Variants in SAMTOR observed in about 807,000 individuals in gnomAD.
SAMTOR encodes the protein S-adenosylmethionine sensor upstream of mTORC1, also known as UPF0532 protein C7orf60.
the SAMTOR span, among the ~76,000 whole-genome samples, chr7:112,917,508 C>G: frequency 6.6e-6 from 1 of 152,150 alleles, no homozygotes; most frequent in African/African-American, 2.4e-5. Context: ...AAAAACAGAG[C>G]AGAAAAACTG....
At chr7:112,913,798 A>T in the SAMTOR span, among the ~76,000 whole-genome samples, 1 of 151,986 alleles carries the variant, frequency 6.6e-6, no homozygotes, top group Non-Finnish European at 1.5e-5. Flanking sequence ...TTACTGTCTC[A>T]TTTCCTTTAT....
the SAMTOR span, among the ~76,000 whole-genome samples, chr7:112,847,343 C>A: frequency 6.6e-6 from 1 of 152,204 alleles, no homozygotes; most frequent in Non-Finnish European, 1.5e-5. Flanking sequence ...TTTCTTACTA[C>A]AATTAAAGGA....
chr7:112,854,587 A>G, the SAMTOR span, among the ~76,000 whole-genome samples: 1 of 152,218 alleles, frequency 6.6e-6, no homozygotes, highest in African/African-American at 2.4e-5. Flanking sequence ...CAATAGGTCA[A>G]TGAATGTAGG....
At chr7:112,883,347 A>G in the SAMTOR span, among the ~76,000 whole-genome samples, 1 of 152,200 alleles carries the variant, frequency 6.6e-6, no homozygotes, top group Non-Finnish European at 1.5e-5. Flanking sequence ...CCTGAGAAGC[A>G]TGTGTTAAAG....
the SAMTOR span, among the ~76,000 whole-genome samples, chr7:112,895,272 C>T: frequency 6.6e-6 from 1 of 151,200 alleles, no homozygotes; most frequent in East Asian, 1.9e-4. Flanking sequence ...ATAGCCATAA[C>T]ATATATGTAA....
chr7:112,858,349 C>T, the SAMTOR span, among the ~76,000 whole-genome samples: 1 of 150,518 alleles, frequency 6.6e-6, no homozygotes, highest in East Asian at 1.9e-4. Context: ...AACATGAAGA[C>T]CACACTAGAT....
chr7:112,882,655 C>T, the SAMTOR span, among the ~76,000 whole-genome samples: 1 of 151,718 alleles, frequency 6.6e-6, no homozygotes, highest in Admixed American at 6.6e-5. Context: ...AGCCACTGCA[C>T]TCCAGCCTGC....
chr7:112,820,518 A>T, the SAMTOR span: 2 of 152,450 alleles, frequency 1.3e-5, no homozygotes, highest in African/African-American at 4.8e-5. Context: ...GATAGCTTCC[A>T]TGACAATTGC....
At chr7:112,915,720 G>A in the SAMTOR span, among the ~76,000 whole-genome samples, 2 of 152,152 alleles carry the variant, frequency 1.3e-5, no homozygotes, top group Admixed American at 1.3e-4. Context: ...AATGATAACA[G>A]ATTTGTGAAG....
At chr7:112,900,953 A>G in the SAMTOR span, among the ~76,000 whole-genome samples, 1 of 152,248 alleles carries the variant, frequency 6.6e-6, no homozygotes, top group African/African-American at 2.4e-5. Context: ...GTAACATAGG[A>G]GAAAACCTAG....
the SAMTOR span, among the ~76,000 whole-genome samples, chr7:112,916,193 GCTA>G: frequency 6.6e-6 from 1 of 152,130 alleles, no homozygotes; most frequent in African/African-American, 2.4e-5. Context: ...TATCCATTCA[GCTA>G]CTACCTTTTA....
the SAMTOR span, among the ~76,000 whole-genome samples, chr7:112,849,880 T>C: frequency 2.0e-5 from 3 of 152,212 alleles, no homozygotes; most frequent in Non-Finnish European, 4.4e-5. Context: ...TAATTCTTTT[T>C]ATATGAATGA....
the SAMTOR span, among the ~76,000 whole-genome samples, chr7:112,834,358 C>CT: frequency 6.8e-6 from 1 of 148,112 alleles, no homozygotes; most frequent in Non-Finnish European, 1.5e-5. Flanking sequence ...CTTTTATTAT[C>CT]TTTTTTCCCA....
At chr7:112,895,470 G>A in the SAMTOR span, 1 of 781,098 alleles carries the variant, frequency 1.3e-6, no homozygotes, top group Admixed American at 2.9e-5. Context: ...GTAACTACTG[G>A]AGGAGCAAGT....
At chr7:112,822,434 AG>A in the SAMTOR span, 1 of 1,348,418 alleles carries the variant, frequency 7.4e-7, no homozygotes, top group Non-Finnish European at 1.0e-6. Flanking sequence ...TTTAGTACAT[AG>A]ACTTTTCAGC....
At chr7:112,903,143 G>A in the SAMTOR span, among the ~76,000 whole-genome samples, 4 of 151,856 alleles carry the variant, frequency 2.6e-5, no homozygotes, top group African/African-American at 9.7e-5. Flanking sequence ...GTAAAACCCC[G>A]CCTCTTCTAA....
the SAMTOR span, among the ~76,000 whole-genome samples, chr7:112,851,799 C>T: frequency 6.6e-6 from 1 of 151,988 alleles, no homozygotes; most frequent in African/African-American, 2.4e-5. Context: ...ATTCAAACAA[C>T]CTAACAAGAA....
chr7:112,894,539 C>CT, the SAMTOR span, among the ~76,000 whole-genome samples: 3 of 152,134 alleles, frequency 2.0e-5, no homozygotes, highest in African/African-American at 7.2e-5. Flanking sequence ...CTCCATGTTG[C>CT]TGGGGAGGCC....
chr7:112,865,679 C>T, the SAMTOR span, among the ~76,000 whole-genome samples: 2 of 106,236 alleles, frequency 1.9e-5, no homozygotes, highest in Admixed American at 9.7e-5. Context: ...TACATATATT[C>T]ATATATATTT....
Sources: gnomAD v4.1 joint callset for allele counts (sites outside exome capture counted in the v4.1 genomes callset) on GRCh38, gnomAD v4.1.1 for gene constraint, MANE v1.5 for transcripts, NCBI Gene and HGNC (gene_info 2026-07-23, HGNC 2026-07-21) for gene names.